Variants in ARHGEF18 observed in about 807,000 individuals in gnomAD.
ARHGEF18 encodes the protein Rho/Rac guanine nucleotide exchange factor 18.
In ARHGEF18, 93 loss-of-function variants were observed where a neutral mutation model predicts 155.7. The ratio of observed to expected loss-of-function variants is 0.60; its 90% CI spans 0.50 to 0.71. The LOEUF is 0.71. ARHGEF18 is among the 30% of genes least tolerant of loss of function. The pLI is 0.00. For missense variants in ARHGEF18, 1,593 were observed against 1,816.1 expected (o/e 0.88, Z 2.23); for synonymous variants, 742 against 753.1 (o/e 0.99, Z 0.24).
intron 16 of ARHGEF18, among the ~76,000 whole-genome samples, chr19:7,452,644 TTAG>T (rs1250164881): frequency 1.3e-5 from 2 of 151,594 alleles, no homozygotes; most frequent in African/African-American, 4.8e-5. Flanking sequence ...TTTTATATTT[TTAG>T]TAGAGACGAG....
At chr19:7,407,308 C>G (rs1310850264) in intron 10 of ARHGEF18, among the ~76,000 whole-genome samples, 4 of 151,834 alleles carry the variant, frequency 2.6e-5, no homozygotes, top group African/African-American at 9.7e-5. Flanking sequence ...CACCTGTAAT[C>G]CCAGCTACTC....
intron 6 of ARHGEF18, 38 bp downstream of exon 6, chr19:7,378,489 G>A (rs939705884): frequency 1.3e-5 from 16 of 1,232,318 alleles, no homozygotes; most frequent in Non-Finnish European, 1.6e-5. Flanking sequence ...GGACCCCCAG[G>A]GAACAGGCCA....
chr19:7,376,967 G>A (rs1162520345), intron 5 of ARHGEF18, among the ~76,000 whole-genome samples: 2 of 152,154 alleles, frequency 1.3e-5, no homozygotes, highest in Admixed American at 1.3e-4. Flanking sequence ...GAGAGGGGAA[G>A]GGACCTCCAG....
At chr19:7,385,821 CTA>C (rs1467406336) in intron 10 of ARHGEF18, among the ~76,000 whole-genome samples, 3,540 of 109,008 alleles carry the variant, frequency 0.032, 310 homozygotes, top group African/African-American at 0.08. Context: ...GAGATAGGAT[CTA>C]TCTCTCTCTA....
At chr19:7,354,120 G>A (rs1969224454) in intron 1 of ARHGEF18, among the ~76,000 whole-genome samples, 1 of 151,964 alleles carries the variant, frequency 6.6e-6, no homozygotes, top group African/African-American at 2.4e-5. Context: ...GACCAGCCTG[G>A]GCAACATAGA....
intron 5 of ARHGEF18, among the ~76,000 whole-genome samples, chr19:7,377,643 C>T (rs1428701487): frequency 1.3e-5 from 2 of 151,952 alleles, no homozygotes; most frequent in African/African-American, 4.8e-5. Flanking sequence ...AAACAATTAG[C>T]CAGGCATGAC....
intron 10 of ARHGEF18, among the ~76,000 whole-genome samples, chr19:7,384,693 T>A (rs8110976): frequency 0.04 from 1,772 of 44,754 alleles, 11 homozygotes; most frequent in South Asian, 0.054. Context: ...TTTTGCAAAA[T>A]TTTTTTTTTT....
At chr19:7,399,102 G>T (rs933445182) in intron 10 of ARHGEF18, among the ~76,000 whole-genome samples, 32 of 152,090 alleles carry the variant, frequency 2.1e-4, no homozygotes, top group Admixed American at 1.6e-3. Context: ...CCAGCCAATC[G>T]CTGTTTCTTT....
In ARHGEF18 at chr19:7,442,101, C is replaced by T. The variant is rs1377655547; in HGVS notation, c.1360+49C>T. The stretch of plus-strand genomic sequence containing the variant: ...CATCACACCGGCCCTCCACTCTCTT[C>T]TCTGCTCCCTCCCTTCCTCCCTCCC... On this transcript the variant is annotated intron_variant, in intron 13 of 28. Coordinates refer to ENST00000668164, the MANE Select transcript of ARHGEF18 (RefSeq NM_001367823.1). 5.0e-6 allele frequency: 8 copies of T among 1,595,710 alleles called. No individual in the cohort carries two copies. The Admixed American group carries it at 1.2e-4, about 24-fold the overall frequency.
At chr19:7,405,945 C>T (rs1972280759) in intron 10 of ARHGEF18, among the ~76,000 whole-genome samples, 1 of 152,128 alleles carries the variant, frequency 6.6e-6, no homozygotes, top group Non-Finnish European at 1.5e-5. Context: ...GCTATTGGCA[C>T]TCATTTCTTA....
chr19:7,456,856 G>A (rs556064658), intron 18 of ARHGEF18, among the ~76,000 whole-genome samples: 2 of 152,096 alleles, frequency 1.3e-5, no homozygotes, highest in Non-Finnish European at 2.9e-5. Flanking sequence ...AGTTTTCCAG[G>A]CCCACATAGC....
chr19:7,425,961 C>A (rs1973638332), intron 10 of ARHGEF18, among the ~76,000 whole-genome samples: 2 of 151,934 alleles, frequency 1.3e-5, no homozygotes, highest in South Asian at 4.2e-4. Context: ...GAATGCACCA[C>A]TGCACTCCAG....
intron 1 of ARHGEF18, among the ~76,000 whole-genome samples, chr19:7,356,016 G>A (rs374987460): frequency 4.5e-4 from 69 of 152,228 alleles, no homozygotes; most frequent in African/African-American, 1.5e-3. Flanking sequence ...GCGATCTCCT[G>A]GGGGTCCCAG....
chr19:7,459,760 C>T (rs1373446522), intron 19 of ARHGEF18, 143 bp from the exon 20 acceptor site: 9 of 654,896 alleles, frequency 1.4e-5, no homozygotes, highest in African/African-American at 3.7e-5. Flanking sequence ...CTCTTCCCCT[C>T]CTCGTCCTCC....
intron 15 of ARHGEF18, among the ~76,000 whole-genome samples, chr19:7,448,887 C>G (rs927587031): frequency 1.3e-5 from 2 of 152,110 alleles, no homozygotes; most frequent in Non-Finnish European, 2.9e-5. Context: ...ACATTCACCT[C>G]TTTAGAGGCC....
At chr19:7,451,004 A>T in intron 15 of ARHGEF18, 145 bp from the exon 16 acceptor site, 2 of 304,384 alleles carry the variant, frequency 6.6e-6, no homozygotes, top group South Asian at 3.0e-5. Context: ...CTTGCTGTCC[A>T]TTTCCGAGAT....
At chr19:7,413,905 AT>A (rs1972841700) in intron 10 of ARHGEF18, among the ~76,000 whole-genome samples, 1 of 152,150 alleles carries the variant, frequency 6.6e-6, no homozygotes, top group South Asian at 2.1e-4. Context: ...TCGGTCAGTC[AT>A]TTAACTTGTA....
At chr19:7,386,737 C>A (rs1971104422) in intron 10 of ARHGEF18, among the ~76,000 whole-genome samples, 1 of 152,048 alleles carries the variant, frequency 6.6e-6, no homozygotes, top group South Asian at 2.1e-4. Flanking sequence ...CCCATCTGAG[C>A]CATTGCTCAG....
chr19:7,477,559 G>A, the ARHGEF18 span: 3 of 781,032 alleles, frequency 3.8e-6, no homozygotes, highest in Non-Finnish European at 5.6e-6. Context: ...GGAGCTGGCA[G>A]GACTGAGGTG....
Sources: allele counts gnomAD v4.1 joint callset (sites outside exome capture counted in the v4.1 genomes callset), GRCh38; gene constraint gnomAD v4.1.1; transcripts MANE v1.5; gene names NCBI Gene and HGNC (gene_info 2026-07-23, HGNC 2026-07-21).